Variants in LOC122539214 observed in about 807,000 individuals in gnomAD.
At chr19:52,652,473 TG>T in the LOC122539214 span, 1 of 430,498 alleles carries the variant, frequency 2.3e-6, no homozygotes, top group Non-Finnish European at 4.7e-6. Context: ...TTATCACAGT[TG>T]TGAGGTTCTC....
the LOC122539214 span, among the ~76,000 whole-genome samples, chr19:52,673,260 C>T: frequency 6.6e-6 from 1 of 152,166 alleles, no homozygotes; most frequent in East Asian, 1.9e-4. Context: ...AATCCCAGCA[C>T]TTTGGGAGCC....
At chr19:52,662,067 C>A in the LOC122539214 span, among the ~76,000 whole-genome samples, 1 of 152,050 alleles carries the variant, frequency 6.6e-6, no homozygotes, top group Admixed American at 6.6e-5. Flanking sequence ...GAGCACAGAT[C>A]CATAGGGATG....
At chr19:52,678,648 T>C in the LOC122539214 span, among the ~76,000 whole-genome samples, 1 of 151,938 alleles carries the variant, frequency 6.6e-6, no homozygotes, top group Non-Finnish European at 1.5e-5. Flanking sequence ...CATATCCTCA[T>C]GGAGACACCA....
the LOC122539214 span, among the ~76,000 whole-genome samples, chr19:52,670,354 A>C: frequency 1.3e-5 from 2 of 152,192 alleles, no homozygotes; most frequent in Admixed American, 1.3e-4. Context: ...AACCCTCGCC[A>C]ATAGGGGAAT....
At chr19:52,689,410 C>G in the LOC122539214 span, among the ~76,000 whole-genome samples, 4 of 110,184 alleles carry the variant, frequency 3.6e-5, no homozygotes, top group African/African-American at 1.3e-4. Flanking sequence ...CTCTCTAGCA[C>G]TCCAGATCCC....
chr19:52,658,119 A>G, the LOC122539214 span, among the ~76,000 whole-genome samples: 2 of 148,800 alleles, frequency 1.3e-5, no homozygotes, highest in African/African-American at 5.0e-5. Context: ...CTCGGCAACC[A>G]GAGTGAAACT....
chr19:52,685,307 G>A, the LOC122539214 span, among the ~76,000 whole-genome samples: 1 of 152,150 alleles, frequency 6.6e-6, no homozygotes, highest in South Asian at 2.1e-4. Flanking sequence ...GATCTGAGAT[G>A]AGTGAGAAGG....
the LOC122539214 span, chr19:52,690,492 A>T: frequency 5.4e-6 from 1 of 186,732 alleles, no homozygotes; most frequent in East Asian, 1.7e-4. Flanking sequence ...GATTTGCGAG[A>T]ATCTGCGCGC....
chr19:52,655,480 T>C, the LOC122539214 span: 1 of 1,293,898 alleles, frequency 7.7e-7, no homozygotes, highest in Non-Finnish European at 1.1e-6. Context: ...TGCGGCAAAA[T>C]CACAAAAGAG....
the LOC122539214 span, chr19:52,655,762 A>G: frequency 9.8e-5 from 67 of 685,372 alleles, no homozygotes; most frequent in South Asian, 1.1e-3. Context: ...AAAAGAGAAA[A>G]TAAGTATTGA....
At chr19:52,687,094 T>C in the LOC122539214 span, among the ~76,000 whole-genome samples, 1 of 151,108 alleles carries the variant, frequency 6.6e-6, no homozygotes, top group Non-Finnish European at 1.5e-5. Context: ...GGCAGGAGAA[T>C]TGCTTGAACC....
the LOC122539214 span, among the ~76,000 whole-genome samples, chr19:52,678,492 A>T: frequency 2.0e-5 from 3 of 151,736 alleles, no homozygotes; most frequent in Non-Finnish European, 4.4e-5. Flanking sequence ...CTGGAGGGTA[A>T]ATCTTGTTTC....
At chr19:52,659,179 C>T in the LOC122539214 span, among the ~76,000 whole-genome samples, 2,844 of 151,956 alleles carry the variant, frequency 0.019, 87 homozygotes, top group African/African-American at 0.057. Flanking sequence ...AACAGACCCC[C>T]CACAGTTCAA....
At chr19:52,673,979 G>T in the LOC122539214 span, among the ~76,000 whole-genome samples, 1 of 136,838 alleles carries the variant, frequency 7.3e-6, no homozygotes, top group Non-Finnish European at 1.5e-5. Context: ...TCATGCCACT[G>T]CCCTGCAGCC....
the LOC122539214 span, among the ~76,000 whole-genome samples, chr19:52,664,472 G>C: frequency 8.4e-3 from 1,272 of 152,086 alleles, 15 homozygotes; most frequent in South Asian, 0.05. Context: ...CTCCAACCTG[G>C]GTGTCAAAGT....
chr19:52,661,818 C>A, the LOC122539214 span, among the ~76,000 whole-genome samples: 1 of 152,074 alleles, frequency 6.6e-6, no homozygotes, highest in South Asian at 2.1e-4. Context: ...TCAAATGGGG[C>A]CTGTGGGAGA....
chr19:52,683,645 G>A, the LOC122539214 span, among the ~76,000 whole-genome samples: 2 of 152,188 alleles, frequency 1.3e-5, no homozygotes, highest in African/African-American at 4.8e-5. Context: ...AGATGCCTCA[G>A]GACTGGCTGA....
the LOC122539214 span, chr19:52,660,880 T>TC: frequency 6.5e-6 from 1 of 154,462 alleles, no homozygotes; most frequent in Non-Finnish European, 1.5e-5. Flanking sequence ...AATTAATTTT[T>TC]TTTGAGATGG....
chr19:52,653,318 G>T, the LOC122539214 span: 8 of 1,329,862 alleles, frequency 6.0e-6, no homozygotes, highest in Middle Eastern at 1.9e-4. Flanking sequence ...CATGTGTAAG[G>T]TTTCTCTCCA....
Sources: allele counts gnomAD v4.1 joint callset (sites outside exome capture counted in the v4.1 genomes callset), GRCh38; gene constraint gnomAD v4.1.1; transcripts MANE v1.5.